UNC93B1: variants seen among roughly 807,000 people sequenced by gnomAD.
The protein encoded by UNC93B1 is unc-93B1 regulator of TLR signaling, also known as protein unc-93 homolog B1.
UNC93B1 carries 33 observed loss-of-function variants against 56.8 expected under a neutral mutation model. The observed-to-expected ratio is 0.58, with a 90% CI of 0.44 to 0.78. The LOEUF (loss-of-function observed/expected upper bound fraction) is 0.78. Among genes scored for constraint, UNC93B1 ranks in the 30% least tolerant of loss-of-function variants. The pLI, the probability that UNC93B1 is intolerant of heterozygous loss-of-function variation, is 0.00. For synonymous variants in UNC93B1, 334 were observed against 358.6 expected, an observed-to-expected ratio of 0.93 and a Z score of 0.77; for missense variants, 673 against 819.5, an observed-to-expected ratio of 0.82 and a Z score of 2.18.
At chr11:67,999,048 G>C in intron 5 of UNC93B1, 125 bp downstream of exon 5, 10 of 1,436,890 alleles carry the variant, frequency 7.0e-6, no homozygotes, top group Non-Finnish European at 9.3e-6. Flanking sequence ...AACATAGTGA[G>C]ACCAGGCCTC....
Position 68,004,089 on chromosome 11 carries a change from C to T in UNC93B1, c.-46G>A. On this transcript the variant is annotated 5_prime_UTR_variant, in exon 1 of 11. Coordinates refer to ENST00000227471, the MANE Select transcript of UNC93B1 (RefSeq NM_030930.4). ...CGCGGCGGTCGCCCCGGAGTCCCTG[C>T]GACCGCCCGGCCACTTCCTCCCGGC... is the stretch of plus-strand genomic sequence containing the variant. 11 of 1,278,606 alleles carry T rather than the reference C, an allele frequency of 8.6e-6. No individual in the cohort carries two copies. The highest frequency in any genetic ancestry group is 2.3e-5 in the South Asian group (1 of 42,680). 79.2% of individuals were successfully genotyped at this position (1,278,606 alleles called of 1,614,324 possible).
intron 3 of UNC93B1, among the ~76,000 whole-genome samples, chr11:68,002,228 G>A (rs914066763): frequency 3.3e-4 from 38 of 115,306 alleles, no homozygotes; most frequent in African/African-American, 5.1e-4. Context: ...ACACGGGCAC[G>A]TCCACACACG....
chr11:68,001,668 A>G (rs985374731), intron 3 of UNC93B1, among the ~76,000 whole-genome samples: 1 of 150,802 alleles, frequency 6.6e-6, no homozygotes, highest in Admixed American at 6.6e-5. Flanking sequence ...TAATAATAAT[A>G]ATAAAATAAA....
In UNC93B1 at chr11:68,003,243, G is replaced by A. The variant is rs1857076290; in HGVS notation, c.239-68C>T. On this transcript the variant is annotated intron_variant, in intron 2 of 10. Transcript: ENST00000227471. The surrounding 1 kb of genome is among the most constrained non-coding windows in gnomAD (Gnocchi z 4.4). ...TTTGGGCGCCACCGAGCAGAAGACG[G>A]CATGCAGGCCTCGCAGGGAGCTCCA... 2.0e-6 allele frequency: 3 copies of A among 1,466,580 alleles called. No individual in the cohort carries two copies. The highest frequency in any genetic ancestry group is 4.4e-5 in the Admixed American group (2 of 45,022). The allele number at this position is 1,466,580 out of a possible 1,614,324, so 90.8% of individuals were successfully genotyped here. A position where few individuals can be genotyped will look rare whatever the true frequency, so the allele number is the denominator to read the frequency against.
chr11:67,993,798 C>A lies in UNC93B1; in HGVS notation c.1364-4G>T. On this transcript the variant is annotated splice_region_variant and splice_polypyrimidine_tract_variant and intron_variant, in intron 9 of 10. Coordinates refer to ENST00000227471, the MANE Select transcript of UNC93B1 (RefSeq NM_030930.4). ...TCGTACAAGATTCCCAGGAGTGCTG[C>A]AGGCAGGCAGTACAGGGCAGGCAGG... The A allele has an allele frequency of 9.0e-7, 1 of 1,105,984 alleles. No homozygotes were observed. The highest frequency in any genetic ancestry group is 1.3e-6 in the Non-Finnish European group (1 of 752,422). The allele number at this position is 1,105,984 out of a possible 1,614,324, so 68.5% of individuals were successfully genotyped here.
chr11:68,004,006 G>C lies in UNC93B1; in HGVS notation c.38C>G (p.Ala13Gly). ...GTCCTCGTCGCCCTGCGGCCCCGCA[G>C]CCCCCGCCATCGGGTAGAGCGGCGG... ...AEPPLYPMAG[A>G]AGPQGDEDLL... is the part of the protein sequence containing the mutation. The change falls in exon 1 of 11, where the codon GCT becomes GGT. Residue 13 changes from alanine to glycine, a missense_variant. Ala to Gly is a moderately conservative substitution (Grantham distance 60, BLOSUM62 0). Transcript: ENST00000227471. 2 of 1,403,090 alleles carry C rather than the reference G, an allele frequency of 1.4e-6. No individual in the cohort carries two copies. The highest frequency in any genetic ancestry group is 1.9e-6 in the Non-Finnish European group (2 of 1,075,690). 86.9% of individuals were successfully genotyped at this position (1,403,090 alleles called of 1,614,324 possible).
chr11:67,997,487 C>T, intron 7 of UNC93B1, 188 bp downstream of exon 7: 1 of 1,027,626 alleles, frequency 9.7e-7, no homozygotes, highest in South Asian at 1.7e-5. Context: ...CGCCTCCGAG[C>T]CTCATGCCCG....
chr11:67,996,297 G>C (rs1241235706), intron 8 of UNC93B1, among the ~76,000 whole-genome samples: 1 of 152,058 alleles, frequency 6.6e-6, no homozygotes, highest in Non-Finnish European at 1.5e-5. Context: ...CCAAGGCTCA[G>C]GGGAAGGTTC....
intron 3 of UNC93B1, among the ~76,000 whole-genome samples, chr11:68,001,408 G>A (rs1457819114): frequency 2.0e-5 from 3 of 152,118 alleles, no homozygotes; most frequent in Non-Finnish European, 2.9e-5. Context: ...GCTCACACCT[G>A]TAATCCCAAC....
intron 3 of UNC93B1, among the ~76,000 whole-genome samples, chr11:68,001,572 C>T (rs1319594100): frequency 6.6e-5 from 10 of 152,038 alleles, no homozygotes; most frequent in Middle Eastern, 3.4e-3. Flanking sequence ...TTGCTTGAGC[C>T]CAGTGTGTGG....
At chr11:67,996,576 G>T (rs2134360563) in intron 8 of UNC93B1, 26 bp downstream of exon 8, 1 of 1,497,636 alleles carries the variant, frequency 6.7e-7, no homozygotes, top group Non-Finnish European at 8.9e-7. Flanking sequence ...TCTTTTGTCG[G>T]GCAATCCTTT....
Position 67,999,162 on chromosome 11 carries a change from G to C in UNC93B1, c.687+11C>G, listed in dbSNP as rs769082826. ...CCCCTGCCACCCAACAATGGCCCAC[G>C]TGGCACTCACATGGAAGAAGCTGTA... On this transcript the variant is annotated intron_variant, in intron 5 of 10. Coordinates refer to ENST00000227471, the MANE Select transcript of UNC93B1 (RefSeq NM_030930.4). The C allele has an allele frequency of 6.2e-7, 1 of 1,613,804 alleles. No individual in the cohort carries two copies. The highest frequency in any genetic ancestry group is 8.5e-7 in the Non-Finnish European group (1 of 1,179,814).
intron 10 of UNC93B1, among the ~76,000 whole-genome samples, chr11:67,992,727 C>T (rs1275460629): frequency 6.7e-5 from 10 of 148,194 alleles, no homozygotes; most frequent in Non-Finnish European, 5.9e-5. Flanking sequence ...TGCGGTGGCG[C>T]GATCTTGGCT....
rs202021661 is a variant in UNC93B1, at chr11:68,001,194, C to CA, written c.393-1515dup. Among the ~76,000 whole-genome samples the CA allele has an allele frequency of 3.7e-3, 545 of 148,516 alleles. 1 individual carries two copies. Among genetic ancestry groups the CA allele is most frequent in the Non-Finnish European group, 5.4e-3 (363 of 67,148 alleles). On this transcript the variant is annotated intron_variant, in intron 3 of 10. Coordinates refer to ENST00000227471, the MANE Select transcript of UNC93B1 (RefSeq NM_030930.4). ...CTGGTGATAGAGTGAGACTCCATTT[C>CA]AAAAAAAAAGTAAAAATAAAAATAA...
intron 7 of UNC93B1, 71 bp downstream of exon 7, chr11:67,997,604 T>C (rs1230565109): frequency 6.3e-7 from 1 of 1,591,582 alleles, no homozygotes; most frequent in East Asian, 2.2e-5. Context: ...ATCCAGACCC[T>C]TTCTCGCAGA....
chr11:67,997,764 T>G lies in UNC93B1; in HGVS notation c.817A>C (p.Lys273Gln). Reference protein sequence around the residue: ...NSHGILSGFNKTVLRTLPRSG... With the variant: ...NSHGILSGFNQTVLRTLPRSG... ...CGCGGGAGCGTCCGCAGAACCGTCT[T>G]GTTGAAGCCGCTGAGGATCCCGTGG... Residue 273 changes from lysine to glutamine, a missense_variant, in exon 7 of 11, where the codon AAG becomes CAG. Around this residue, in one of 3 missense-constraint regions of UNC93B1, gnomAD observed 438 missense variants for 465.9 expected, o/e 0.94. Transcript: ENST00000227471. 6.2e-7 allele frequency: 1 copy of G among 1,610,208 alleles called. No individual in the cohort carries two copies. Among genetic ancestry groups the G allele is most frequent in the Non-Finnish European group, 8.5e-7 (1 of 1,179,764 alleles).
rs1275352764 is a variant in UNC93B1, at chr11:67,996,823, C to A, written c.907-39G>T. 4 of 1,488,006 alleles carry A rather than the reference C, an allele frequency of 2.7e-6. No homozygotes were observed. The African/African-American group carries it at 5.6e-5, about 21-fold the overall frequency. The allele number at this position is 1,488,006 out of a possible 1,614,324, so 92.2% of individuals were successfully genotyped here. ...ACTTGAAGGGGCGGCCAGCCAGGCCCAGGCCTGGCCTCCAGGCTTCAGCCC... is the reference window on the plus strand; with the variant it reads ...ACTTGAAGGGGCGGCCAGCCAGGCCAAGGCCTGGCCTCCAGGCTTCAGCCC... On this transcript the variant is annotated intron_variant, in intron 7 of 10. Coordinates refer to ENST00000227471, the MANE Select transcript of UNC93B1 (RefSeq NM_030930.4).
chr11:67,991,672 A>G lies in UNC93B1; in HGVS notation c.1668T>C (p.His556=), dbSNP rs900244666. 2 of 1,530,644 alleles carry G rather than the reference A, an allele frequency of 1.3e-6. No homozygotes were observed. Among genetic ancestry groups the G allele is most frequent in the East Asian group, 2.5e-5 (1 of 40,700 alleles). 94.8% of individuals were successfully genotyped at this position (1,530,644 alleles called of 1,614,324 possible). The part of the protein sequence containing the change: ...NSDESDAEGE[H]GDGAEEEAPP... The stretch of plus-strand genomic sequence containing the variant: ...GCGCCTCCTCCTCCGCGCCGTCCCC[A>G]TGCTCGCCCTCCGCGTCGCTCTCGT... The change falls in exon 11 of 11, where the codon CAT becomes CAC. Residue 556 remains histidine, a synonymous_variant. Coordinates refer to ENST00000227471, the MANE Select transcript of UNC93B1 (RefSeq NM_030930.4).
chr11:67,996,371 C>G (rs1272635081), intron 8 of UNC93B1, among the ~76,000 whole-genome samples: 1 of 152,028 alleles, frequency 6.6e-6, no homozygotes, highest in African/African-American at 2.4e-5. Context: ...CCACAAGGAA[C>G]TAAACACTCT....
Sources: gnomAD v4.1 joint callset for allele counts (sites outside exome capture counted in the v4.1 genomes callset) on GRCh38, gnomAD v4.1.1 for gene constraint, gnomAD v4.1.1 regional missense constraint, Gnocchi (gnomAD v3.1) non-coding constraint, MANE v1.5 for transcripts, NCBI Gene and HGNC (gene_info 2026-07-23, HGNC 2026-07-21) for gene names.